HOXC4: variants seen among roughly 807,000 people sequenced by gnomAD.
HOXC4 encodes the protein homeobox protein Hox-C4.
HOXC4 carries 15 observed loss-of-function variants against 25.5 expected under a neutral mutation model. That is an observed-to-expected ratio of 0.59 (90% CI 0.39 to 0.91). The LOEUF (loss-of-function observed/expected upper bound fraction) is 0.91, where lower values mean the gene tolerates loss of function less well. Among genes scored for constraint, HOXC4 ranks in the 40% least tolerant of loss-of-function variants. The probability of loss-of-function intolerance (pLI) is 0.00; values close to 1 mark genes in which losing one functional copy is unlikely to be tolerated. For synonymous variants in HOXC4, 165 were observed against 148.0 expected, an observed-to-expected ratio of 1.11 and a Z score of -0.83; for missense variants, 342 against 352.4, an observed-to-expected ratio of 0.97 and a Z score of 0.24.
chr12:54,026,763 C>T (rs2136431707), intron 1 of HOXC4, among the ~76,000 whole-genome samples: 1 of 152,306 alleles, frequency 6.6e-6, no homozygotes, highest in Admixed American at 6.5e-5. Flanking sequence ...TATTTTTCCC[C>T]CCTAGCGACA....
At chr12:54,053,016 C>T (rs984462663), upstream of HOXC4, 4 of 152,758 alleles carry the variant, frequency 2.6e-5, no homozygotes, top group Non-Finnish European at 5.9e-5. Flanking sequence ...AATAGCAGGC[C>T]GGGCTGAATG....
chr12:54,029,056 G>A (rs1188030417), intron 1 of HOXC4: 1 of 870,208 alleles, frequency 1.1e-6, no homozygotes. Flanking sequence ...ACCGAGACAG[G>A]GCCCCCTCTT....
chr12:54,047,048 C>G (rs1937728282), intron 1 of HOXC4, among the ~76,000 whole-genome samples: 1 of 152,218 alleles, frequency 6.6e-6, no homozygotes, highest in Admixed American at 6.5e-5. Flanking sequence ...AAGTTGTGGC[C>G]GAATTCGCAT....
At position 54,055,376 on chromosome 12, in the gene HOXC4, C is replaced by T. The variant is rs1467338170; in HGVS notation, c.*171C>T. 4.3e-6 allele frequency: 1 copy of T among 232,332 alleles called. No homozygotes were observed. Among genetic ancestry groups the T allele is most frequent in the African/African-American group, 2.3e-5 (1 of 42,802 alleles). 14.4% of individuals were successfully genotyped at this position (232,332 alleles called of 1,614,324 possible). On this transcript the variant is annotated 3_prime_UTR_variant, in exon 2 of 2. Transcript: ENST00000430889. Reference sequence around the variant, plus strand: ...GTTCCAAACAGACAAAACAGATAAACAAACAAGCCCCCTGCCCTCCTCTCC... The same window carrying T: ...GTTCCAAACAGACAAAACAGATAAATAAACAAGCCCCCTGCCCTCCTCTCC...
chr12:54,034,617 C>G, intron 1 of HOXC4: 3 of 775,812 alleles, frequency 3.9e-6, no homozygotes, highest in Non-Finnish European at 6.2e-6. Flanking sequence ...CTCCCGGGCC[C>G]CACAGACAAA....
At position 54,053,837 on chromosome 12, in the gene HOXC4, C is replaced by G; in HGVS notation, c.-86C>G. On this transcript the variant is annotated 5_prime_UTR_variant, in exon 1 of 2. Coordinates refer to ENST00000430889, the MANE Select transcript of HOXC4 (RefSeq NM_153633.3). ...CGGAGGAGTCACATGGTGAAAGTAA[C>G]TTTACAGGGTCGCTAGCTAGTAGGA... 9.3e-7 allele frequency: 1 copy of G among 1,070,956 alleles called. No individual in the cohort carries two copies. The highest frequency in any genetic ancestry group is 1.6e-5 in the African/African-American group (1 of 63,382). The allele number at this position is 1,070,956 out of a possible 1,614,324, so 66.3% of individuals were successfully genotyped here. A position where few individuals can be genotyped will look rare whatever the true frequency, so the allele number is the denominator to read the frequency against.
chr12:54,034,039 AC>A (rs768247704), intron 1 of HOXC4: 26 of 691,420 alleles, frequency 3.8e-5, no homozygotes, highest in Middle Eastern at 2.4e-4. Flanking sequence ...CTTCCCCCCA[AC>A]CCCCCCTCAG....
intron 1 of HOXC4, chr12:54,028,665 G>A (rs201730816): frequency 2.8e-5 from 45 of 1,613,894 alleles, no homozygotes; most frequent in Non-Finnish European, 3.6e-5. Flanking sequence ...CCCAGAACCG[G>A]ATCTACTCGA....
intron 1 of HOXC4, chr12:54,033,462 A>G (rs761555118): frequency 5.0e-6 from 8 of 1,598,790 alleles, no homozygotes; most frequent in South Asian, 2.2e-5. Context: ...GCGAGCTAAG[A>G]GCAGTGGGGA....
intron 1 of HOXC4, chr12:54,028,786 C>G: frequency 1.2e-6 from 2 of 1,614,178 alleles, no homozygotes; most frequent in Non-Finnish European, 1.7e-6. Context: ...AAACTGCAGA[C>G]AAAACACCTT....
In HOXC4 at chr12:54,053,907, TC is replaced by T. The variant is rs752679556; in HGVS notation, c.-14del. On this transcript the variant is annotated 5_prime_UTR_variant, in exon 1 of 2. Transcript: ENST00000430889. ...AACGACAAAGCGAGAAAAATTATTT[TC>T]CACTCCAGAAATTAATGATCATGAG... is the stretch of plus-strand genomic sequence containing the variant. The T allele has an allele frequency of 6.3e-7, 1 of 1,585,638 alleles. No individual in the cohort carries two copies. The highest frequency in any genetic ancestry group is 1.3e-5 in the African/African-American group (1 of 74,102).
chr12:54,052,033 T>C (rs1937857607), upstream of HOXC4, among the ~76,000 whole-genome samples: 1 of 152,224 alleles, frequency 6.6e-6, no homozygotes, highest in Non-Finnish European at 1.5e-5. Context: ...CAAATAGTTG[T>C]TATGCCGTTT....
At chr12:54,054,582 T>C (rs1937929047) in intron 1 of HOXC4, among the ~76,000 whole-genome samples, 1 of 152,158 alleles carries the variant, frequency 6.6e-6, no homozygotes, top group Admixed American at 6.5e-5. Flanking sequence ...GTCCGAGCCA[T>C]GTGCTACGAT....
intron 1 of HOXC4, among the ~76,000 whole-genome samples, chr12:54,044,008 G>C (rs1412183248): frequency 6.7e-6 from 1 of 148,442 alleles, no homozygotes; most frequent in Admixed American, 6.7e-5. Context: ...TTTATGTTGT[G>C]TCTCTCCCCA....
At chr12:54,044,826 A>G (rs1197643042) in intron 1 of HOXC4, among the ~76,000 whole-genome samples, 1 of 152,106 alleles carries the variant, frequency 6.6e-6, no homozygotes, top group Non-Finnish European at 1.5e-5. Context: ...AATGATAATG[A>G]GTCTTCCCCT....
At chr12:54,046,318 TA>T (rs1295758404) in intron 1 of HOXC4, among the ~76,000 whole-genome samples, 1 of 152,176 alleles carries the variant, frequency 6.6e-6, no homozygotes, top group Non-Finnish European at 1.5e-5. Flanking sequence ...CGGCTTTGAC[TA>T]ATGATTGCTA....
chr12:54,028,353 C>T (rs113823335), intron 1 of HOXC4: 6 of 634,768 alleles, frequency 9.5e-6, no homozygotes, highest in African/African-American at 1.8e-5. Flanking sequence ...CGATTTTTTT[C>T]CCCCTTCCTG....
rs1354818264 is a variant in HOXC4 at position 54,054,211 on chromosome 12, C to A, written c.289C>A (p.Leu97Ile). 1 of 1,612,466 alleles carries A rather than the reference C, an allele frequency of 6.2e-7. No individual in the cohort carries two copies. Among genetic ancestry groups the A allele is most frequent in the Non-Finnish European group, 8.5e-7 (1 of 1,179,324 alleles). Residue 97 changes from leucine (L) to isoleucine (I), a missense_variant, in exon 1 of 2, where the codon CTC becomes ATC. Physicochemically the swap from Leu to Ile is conservative, Grantham distance 5. Coordinates refer to ENST00000430889, the MANE Select transcript of HOXC4 (RefSeq NM_153633.3). ...CCACCACCCCGAGAAATCACAGTCG[C>A]TCTGCGAGCCGGCGCCTCTCTCAGG... is the stretch of plus-strand genomic sequence containing the variant. ...GHHHPEKSQS[L>I]CEPAPLSGAS...
chr12:54,021,228 G>A lies in HOXC4; in HGVS notation c.-124+3814G>A, dbSNP rs542736788. The A allele has an allele frequency of 7.2e-5, 11 of 152,342 alleles. No individual in the cohort carries two copies. In the East Asian group the frequency reaches 2.1e-3, roughly 29 times the overall value. 9.4% of individuals were successfully genotyped at this position (152,342 alleles called of 1,614,324 possible). A position where few individuals can be genotyped will look rare whatever the true frequency, so the allele number is the denominator to read the frequency against. On this transcript the variant is annotated intron_variant, in intron 1 of 3. Transcript: ENST00000303406. Reference sequence around the variant, plus strand: ...CGCTCACCCCGCCCCAGCCCGATTTGCCTGCATCCGTGGCGGCAGATTGGG... The same window carrying A: ...CGCTCACCCCGCCCCAGCCCGATTTACCTGCATCCGTGGCGGCAGATTGGG...
Sources: gnomAD v4.1 joint callset for allele counts (sites outside exome capture counted in the v4.1 genomes callset) on GRCh38, gnomAD v4.1.1 for gene constraint, MANE v1.5 for transcripts, NCBI Gene and HGNC (gene_info 2026-07-23, HGNC 2026-07-21) for gene names.